The following ILDR2 variants were observed in gnomAD, a reference collection of about 807,000 sequenced individuals.
The protein encoded by ILDR2 is immunoglobulin-like domain-containing receptor 2.
In ILDR2, 25 loss-of-function variants were observed where a neutral mutation model predicts 66.8. The observed-to-expected ratio is 0.37, with a 90% CI of 0.27 to 0.52. ILDR2 has a LOEUF of 0.52. Ranked by LOEUF, ILDR2 falls within the 20% of genes least tolerant of loss-of-function variation. ILDR2 has a pLI of 0.88. For synonymous variants in ILDR2, 367 were observed against 357.2 expected (o/e 1.03, Z -0.31); for missense variants, 827 against 876.8 (o/e 0.94, Z 0.72).
intron 8 of ILDR2, among the ~76,000 whole-genome samples, chr1:166,922,028 A>T (rs1458479048): frequency 6.6e-6 from 1 of 152,162 alleles, no homozygotes; most frequent in Non-Finnish European, 1.5e-5. Context: ...CCCAGCTTAA[A>T]ATAGGGGCAT....
chr1:166,975,019 T>TTCTC (rs59211434), intron 1 of ILDR2, among the ~76,000 whole-genome samples: 1 of 136,298 alleles, frequency 7.3e-6, no homozygotes, highest in South Asian at 2.5e-4. Context: ...GCCCCCATCA[T>TTCTC]TCTCTCTCTC....
chr1:166,963,187 T>G (rs946416286), intron 1 of ILDR2, among the ~76,000 whole-genome samples: 2 of 152,212 alleles, frequency 1.3e-5, no homozygotes, highest in Non-Finnish European at 2.9e-5. Context: ...ATCTCTCAAC[T>G]TTGATCTTTC....
chr1:166,924,742 C>T lies in ILDR2; in HGVS notation c.995-1933G>A, dbSNP rs934604189. 5.9e-5 allele frequency among the ~76,000 whole-genome samples: 9 copies of T among 152,258 alleles called. 1 individual carries two copies. Among genetic ancestry groups the T allele is most frequent in the African/African-American group, 9.6e-5 (4 of 41,540 alleles). ...TAAAAATAGGAAGTGGGGCTGGGCA[C>T]GGTAGCTCATGCCCATAATCCCAGC... On this transcript the variant is annotated intron_variant, in intron 7 of 9. Coordinates refer to ENST00000271417, the MANE Select transcript of ILDR2 (RefSeq NM_199351.3).
intron 7 of ILDR2, among the ~76,000 whole-genome samples, chr1:166,925,005 G>T (rs1270078879): frequency 6.6e-6 from 1 of 152,036 alleles, no homozygotes; most frequent in Non-Finnish European, 1.5e-5. Context: ...GACAGAGCAA[G>T]ACCTTGTCTC....
chr1:166,964,053 G>A (rs891880376), intron 1 of ILDR2, among the ~76,000 whole-genome samples: 1 of 151,830 alleles, frequency 6.6e-6, no homozygotes, highest in African/African-American at 2.4e-5. Context: ...AGGAGAGAGA[G>A]CAAGAGAGGA....
At chr1:166,907,510 A>C (rs1445875221), downstream of ILDR2, among the ~76,000 whole-genome samples, 2 of 152,140 alleles carry the variant, frequency 1.3e-5, no homozygotes, top group African/African-American at 2.4e-5. Context: ...TTTTGAGGGA[A>C]CATCTCTTAA....
chr1:166,914,363 T>C lies in ILDR2; in HGVS notation c.*4992A>G, dbSNP rs900455570. 7.9e-5 allele frequency: 12 copies of C among 152,148 alleles called. No individual in the cohort carries two copies. Among genetic ancestry groups the C allele is most frequent in the Admixed American group, 2.0e-4 (3 of 15,278 alleles). The allele number at this position is 152,148 out of a possible 1,614,324, so 9.4% of individuals were successfully genotyped here. On this transcript the variant is annotated 3_prime_UTR_variant, in exon 10 of 10. Coordinates refer to ENST00000271417, the MANE Select transcript of ILDR2 (RefSeq NM_199351.3). ...TACCCAGATTCCAGTCCCATGAGTA[T>C]TTAAGGAATTGGAAAGGACACCAGA...
In ILDR2 at chr1:166,915,060, T is replaced by C. The variant is rs768530049; in HGVS notation, c.*4295A>G. On this transcript the variant is annotated 3_prime_UTR_variant, in exon 10 of 10. Transcript: ENST00000271417. ...CATGATTTAAGTTTTGCTAAAAATA[T>C]ATCAAGAGAATGAGAAAATTACCTG... The C allele has an allele frequency of 6.6e-6, 1 of 152,220 alleles. No homozygotes were observed. Among genetic ancestry groups the C allele is most frequent in the Non-Finnish European group, 1.5e-5 (1 of 68,044 alleles). The allele number at this position is 152,220 out of a possible 1,614,324, so 9.4% of individuals were successfully genotyped here. A position where few individuals can be genotyped will look rare whatever the true frequency, so the allele number is the denominator to read the frequency against.
In ILDR2 at chr1:166,899,471, T is replaced by G. The variant is rs559691397; in HGVS notation, n.172-3370A>C. 2.0e-5 allele frequency among the ~76,000 whole-genome samples: 3 copies of G among 152,162 alleles called. No individual in the cohort carries two copies. In the South Asian group the frequency reaches 6.2e-4, roughly 32 times the overall value. ...CAAGGAGTTTACAGTCTGGGGGAAT[T>G]TGAACATACACGTGCTAACCAAATT... On this transcript the variant is annotated intron_variant and non_coding_transcript_variant, in intron 2 of 2. Coordinates refer to the ILDR2 transcript ENST00000414590.
At chr1:166,943,681 T>C (rs1291735391) in intron 3 of ILDR2, 3 of 264,748 alleles carry the variant, frequency 1.1e-5, no homozygotes, top group Admixed American at 6.5e-5. Flanking sequence ...AGAAATGCTT[T>C]ATCTTTTCTT....
chr1:166,944,669 C>T (rs1571161185), intron 3 of ILDR2, among the ~76,000 whole-genome samples: 1 of 152,272 alleles, frequency 6.6e-6, no homozygotes, highest in South Asian at 2.1e-4. Flanking sequence ...TCAAAGCAAA[C>T]TTGATTTACT....
At chr1:166,933,517 C>A (rs1660761366) in intron 6 of ILDR2, 1 of 976,452 alleles carries the variant, frequency 1.0e-6, no homozygotes, top group Non-Finnish European at 1.2e-6. Context: ...TATTTTAATG[C>A]CACTTCTAGT....
At position 166,918,356 on chromosome 1, in the gene ILDR2, G is replaced by T. The variant is rs141816403; in HGVS notation, c.*999C>A. On this transcript the variant is annotated 3_prime_UTR_variant, in exon 10 of 10. Transcript: ENST00000271417. ...GGAAAAGACTGAGTGAAGTTTGTGGGTGAAATGGTCCACATTCAAAATATA... is the reference window on the plus strand; with the variant it reads ...GGAAAAGACTGAGTGAAGTTTGTGGTTGAAATGGTCCACATTCAAAATATA... 2.0e-5 allele frequency: 3 copies of T among 152,192 alleles called. No homozygotes were observed. Among genetic ancestry groups the T allele is most frequent in the Non-Finnish European group, 4.4e-5 (3 of 68,036 alleles). The allele number at this position is 152,192 out of a possible 1,614,324, so 9.4% of individuals were successfully genotyped here. A position where few individuals can be genotyped will look rare whatever the true frequency, so the allele number is the denominator to read the frequency against.
chr1:166,929,771 A>G (rs1643743132), intron 6 of ILDR2, among the ~76,000 whole-genome samples: 1 of 152,368 alleles, frequency 6.6e-6, no homozygotes, highest in Admixed American at 6.5e-5. Flanking sequence ...AATAGAAACC[A>G]TATTATAAGA....
intron 6 of ILDR2, among the ~76,000 whole-genome samples, chr1:166,930,044 G>A (rs561522558): frequency 3.0e-4 from 46 of 152,074 alleles, no homozygotes; most frequent in Non-Finnish European, 4.9e-4. Context: ...ATGGGGGAGG[G>A]GGCCCATAAA....
At chr1:166,975,196 T>G (rs1409360639) in intron 1 of ILDR2, 27 bp downstream of exon 1, 1 of 1,578,280 alleles carries the variant, frequency 6.3e-7, no homozygotes, top group South Asian at 1.1e-5. Flanking sequence ...TACAAAGTTA[T>G]TCGTTTCTGT....
Position 166,922,598 on chromosome 1 carries a change from C to T in ILDR2, c.1206G>A (p.Arg402=). 1 of 1,613,568 alleles carries T rather than the reference C, an allele frequency of 6.2e-7. No individual in the cohort carries two copies. The highest frequency in any genetic ancestry group is 8.5e-7 in the Non-Finnish European group (1 of 1,179,962). ...CTGCCCCTCACAGCCATCACCTGTG[C>T]CTGAAGCTCTCTCGATCCTCTTTGT... The part of the protein sequence containing the change: ...EYNKEDRESF[R]HSQPRSKSEM... The change falls in exon 8 of 10, where the codon AGG becomes AGA. Residue 402 remains arginine (R), a synonymous_variant. Coordinates refer to ENST00000271417, the MANE Select transcript of ILDR2 (RefSeq NM_199351.3).
intron 2 of ILDR2, among the ~76,000 whole-genome samples, chr1:166,902,266 G>C (rs950422525): frequency 1.3e-5 from 2 of 152,196 alleles, no homozygotes; most frequent in African/African-American, 4.8e-5. Flanking sequence ...TTACAGATTA[G>C]GAAGAAGAAA....
intron 9 of ILDR2, 96 bp downstream of exon 9, chr1:166,920,611 C>T (rs2101849651): frequency 3.1e-6 from 4 of 1,283,754 alleles, no homozygotes; most frequent in East Asian, 3.1e-5. Context: ...CCTCCCGCCT[C>T]GCCACCTCCC....
Sources: gnomAD v4.1 joint callset for allele counts (sites outside exome capture counted in the v4.1 genomes callset) on GRCh38, gnomAD v4.1.1 for gene constraint, MANE v1.5 for transcripts, NCBI Gene and HGNC (gene_info 2026-07-23, HGNC 2026-07-21) for gene names.